Variants in PACSIN2 observed in about 807,000 individuals in gnomAD.
PACSIN2 encodes the protein protein kinase C and casein kinase substrate in neurons 2, also known as protein kinase C and casein kinase substrate in neurons protein 2.
PACSIN2 carries 25 observed loss-of-function variants against 63.8 expected under a neutral mutation model. The observed-to-expected ratio is 0.39, with a 90% CI of 0.29 to 0.55. PACSIN2 has a LOEUF of 0.55. PACSIN2 is among the 20% of genes least tolerant of loss of function. The probability of loss-of-function intolerance (pLI) is 0.62; values close to 1 mark genes in which losing one functional copy is unlikely to be tolerated. For missense variants in PACSIN2, 518 were observed against 646.9 expected, an observed-to-expected ratio of 0.80 and a Z score of 2.16; for synonymous variants, 255 against 256.2, an observed-to-expected ratio of 1.00 and a Z score of 0.05.
intron 2 of PACSIN2, among the ~76,000 whole-genome samples, chr22:42,901,662 C>T (rs564703912): frequency 2.6e-5 from 4 of 151,992 alleles, no homozygotes; most frequent in African/African-American, 7.3e-5. Flanking sequence ...CTGTGCTCTC[C>T]GCCTGCCACG....
intron 1 of PACSIN2, among the ~76,000 whole-genome samples, chr22:42,992,487 C>G (rs527575397): frequency 1.3e-5 from 2 of 152,326 alleles, no homozygotes; most frequent in East Asian, 3.9e-4. Context: ...GTGGTTCACA[C>G]CTGTAATCCC....
At chr22:42,948,827 A>C (rs1933549694) in intron 1 of PACSIN2, among the ~76,000 whole-genome samples, 1 of 152,228 alleles carries the variant, frequency 6.6e-6, no homozygotes, top group Non-Finnish European at 1.5e-5. Context: ...TTCGTGTGAC[A>C]AACTGATAAA....
Position 42,884,484 on chromosome 22 carries a change from C to T in PACSIN2, c.687G>A (p.Val229=). The change falls in exon 6 of 11, where the codon GTG becomes GTA. Residue 229 remains valine (V), a synonymous_variant. Coordinates refer to ENST00000263246, the MANE Select transcript of PACSIN2 (RefSeq NM_001184970.3). ...TPQYMENMEQ[V]FEQCQQFEEK... ...CCTCGAACTGCTGGCACTGCTCAAA[C>T]ACCTGCTCCATGTTCTCCATGTACT... The T allele has an allele frequency of 6.2e-7, 1 of 1,614,260 alleles. No homozygotes were observed. Among genetic ancestry groups the T allele is most frequent in the Non-Finnish European group, 8.5e-7 (1 of 1,180,032 alleles).
At position 42,884,560 on chromosome 22, in the gene PACSIN2, G is replaced by A. The variant is rs1602181026; in HGVS notation, c.611C>T (p.Thr204Ile). 3.7e-6 allele frequency: 6 copies of A among 1,612,414 alleles called. No individual in the cohort carries two copies. In the East Asian group the frequency reaches 1.3e-4, roughly 36 times the overall value. ...CAGGGACTTCTCATACTTCTCTTTG[G>A]TCTAAAGGAAAATCCAGGCACAAGA... Reference protein sequence around the residue: ...IEKCKQDVLKTKEKYEKSLKE... With the variant: ...IEKCKQDVLKIKEKYEKSLKE... Residue 204 changes from threonine (T) to isoleucine (I), a missense_variant and splice_region_variant, in exon 6 of 11, where the codon ACC (threonine) becomes ATC (isoleucine). Thr to Ile is a moderately conservative substitution (Grantham distance 89). Coordinates refer to ENST00000263246, the MANE Select transcript of PACSIN2 (RefSeq NM_001184970.3).
intron 1 of PACSIN2, among the ~76,000 whole-genome samples, chr22:42,913,587 T>G (rs899603862): frequency 2.0e-5 from 3 of 151,912 alleles, no homozygotes; most frequent in African/African-American, 7.3e-5. Context: ...TGGCCCTTAG[T>G]AAGTGCTACG....
intron 1 of PACSIN2, among the ~76,000 whole-genome samples, chr22:42,962,115 C>A (rs1477813529): frequency 3.3e-5 from 5 of 152,096 alleles, no homozygotes; most frequent in Non-Finnish European, 5.9e-5. Flanking sequence ...CATGGTGAAA[C>A]CCCGTCTGTA....
rs564631278 is a variant in PACSIN2, at chr22:42,876,224, C to A, written c.1261G>T (p.Asp421Tyr). The A allele has an allele frequency of 6.2e-7, 1 of 1,614,208 alleles. No homozygotes were observed. The highest frequency in any genetic ancestry group is 8.5e-7 in the Non-Finnish European group (1 of 1,180,036). The change falls in exon 10 of 11, where the codon GAC (aspartate) becomes TAC (tyrosine). Residue 421 changes from aspartate to tyrosine, a missense_variant. Coordinates refer to ENST00000263246, the MANE Select transcript of PACSIN2 (RefSeq NM_001184970.3). ...ACTTCCGTCCCCGAGGTGGCGTCGT[C>A]GTCGAATGGATTCGAGTCCCCATTG... ...DANGDSNPFD[D>Y]DATSGTEVRV...
At chr22:42,902,811 G>T (rs983344482) in intron 2 of PACSIN2, among the ~76,000 whole-genome samples, 1 of 152,078 alleles carries the variant, frequency 6.6e-6, no homozygotes, top group Non-Finnish European at 1.5e-5. Context: ...ACAGGGCTTC[G>T]CCATGTTGGC....
chr22:42,875,517 G>A (rs1212680885), intron 10 of PACSIN2, among the ~76,000 whole-genome samples: 4 of 150,932 alleles, frequency 2.7e-5, no homozygotes, highest in Admixed American at 6.6e-5. Flanking sequence ...CTACAGGCAT[G>A]TGCCACTAAA....
intron 1 of PACSIN2, among the ~76,000 whole-genome samples, chr22:42,926,401 G>C (rs960568581): frequency 1.3e-5 from 2 of 152,068 alleles, no homozygotes; most frequent in African/African-American, 4.8e-5. Flanking sequence ...AGCATCTCCA[G>C]GCAGACACAA....
chr22:42,995,835 A>T (rs1263638486), intron 1 of PACSIN2, among the ~76,000 whole-genome samples: 1 of 152,192 alleles, frequency 6.6e-6, no homozygotes, highest in Non-Finnish European at 1.5e-5. Context: ...AAGCCGGGAC[A>T]GGAGGATCAC....
intron 2 of PACSIN2, among the ~76,000 whole-genome samples, chr22:42,894,501 A>T (rs948850214): frequency 6.6e-6 from 1 of 152,214 alleles, no homozygotes; most frequent in East Asian, 1.9e-4. Flanking sequence ...TCAGCCTCCC[A>T]AAGTGCTGGG....
chr22:42,927,572 T>G (rs559688887), intron 1 of PACSIN2, among the ~76,000 whole-genome samples: 145 of 149,550 alleles, frequency 9.7e-4, no homozygotes, highest in African/African-American at 2.3e-3. Context: ...TATTTATTTA[T>G]TTAGTTATTT....
intron 1 of PACSIN2, among the ~76,000 whole-genome samples, chr22:42,934,890 CT>C (rs1569293369): frequency 1.1e-5 from 1 of 95,074 alleles, no homozygotes; most frequent in Non-Finnish European, 2.1e-5. Context: ...TTTCTTTTCT[CT>C]TTCTTTTCTT....
At chr22:42,936,980 A>G (rs1932944260) in intron 1 of PACSIN2, among the ~76,000 whole-genome samples, 2 of 152,104 alleles carry the variant, frequency 1.3e-5, no homozygotes, top group Non-Finnish European at 2.9e-5. Flanking sequence ...TTGCGAATGC[A>G]TTAGTAATCT....
At position 42,877,013 on chromosome 22, in the gene PACSIN2, A is replaced by G. The variant is rs994163455; in HGVS notation, c.1029-3T>C. ...GGTTGCTCGGGACATTAAGGGTGCT[A>G]TGGAGAGAGAGAGCTTTCAGGGGAT... On this transcript the variant is annotated splice_polypyrimidine_tract_variant and splice_region_variant and intron_variant, in intron 8 of 10. Transcript: ENST00000263246. 5.6e-6 allele frequency: 9 copies of G among 1,613,846 alleles called. No individual in the cohort carries two copies. Among genetic ancestry groups the G allele is most frequent in the Non-Finnish European group, 6.8e-6 (8 of 1,179,912 alleles).
intron 1 of PACSIN2, among the ~76,000 whole-genome samples, chr22:42,979,991 CTATA>C (rs1308998683): frequency 6.6e-6 from 1 of 151,792 alleles, no homozygotes; most frequent in African/African-American, 2.4e-5. Flanking sequence ...ACATGCTTAA[CTATA>C]TAAACCTATG....
At chr22:42,912,289 G>A (rs889636583) in intron 1 of PACSIN2, 132 bp from the exon 2 acceptor site, 3 of 518,396 alleles carry the variant, frequency 5.8e-6, no homozygotes, top group South Asian at 5.5e-5. Flanking sequence ...TTTCCTTTAG[G>A]TGGCAGAAAG....
At chr22:42,900,926 G>A (rs1930641138) in intron 2 of PACSIN2, among the ~76,000 whole-genome samples, 1 of 152,200 alleles carries the variant, frequency 6.6e-6, no homozygotes. Context: ...AACATGAGAT[G>A]ATGCGTGTGC....
Sources: allele counts gnomAD v4.1 joint callset (sites outside exome capture counted in the v4.1 genomes callset), GRCh38; gene constraint gnomAD v4.1.1; transcripts MANE v1.5; gene names NCBI Gene and HGNC (gene_info 2026-07-23, HGNC 2026-07-21).